The following ITPR2 variants were observed in gnomAD, a reference collection of about 807,000 sequenced individuals.
The protein encoded by ITPR2 is inositol 1,4,5-trisphosphate receptor type 2.
A neutral mutation model predicts 317.1 loss-of-function variants in ITPR2; 207 were observed. The ratio of observed to expected loss-of-function variants is 0.65; its 90% CI spans 0.58 to 0.73. The LOEUF (loss-of-function observed/expected upper bound fraction) is 0.73. ITPR2 is among the 30% of genes least tolerant of loss of function. ITPR2 has a pLI of 0.00. For missense variants in ITPR2, 2,613 were observed against 3,284.0 expected (o/e 0.80, Z 4.99); for synonymous variants, 1,156 against 1,149.1 (o/e 1.01, Z -0.12).
At chr12:26,432,753 A>T (rs1413453697) in intron 48 of ITPR2, among the ~76,000 whole-genome samples, 1 of 152,172 alleles carries the variant, frequency 6.6e-6, no homozygotes, top group Non-Finnish European at 1.5e-5. Context: ...ATAGGAGATG[A>T]TGTGTCACTG....
chr12:26,822,631 A>C (rs1950953843), intron 1 of ITPR2, among the ~76,000 whole-genome samples: 1 of 152,222 alleles, frequency 6.6e-6, no homozygotes, highest in African/African-American at 2.4e-5. Context: ...CTAGGGATGG[A>C]AACAAATACA....
chr12:26,694,916 G>T (rs1337038892), intron 10 of ITPR2, among the ~76,000 whole-genome samples: 1 of 152,088 alleles, frequency 6.6e-6, no homozygotes, highest in Admixed American at 6.6e-5. Context: ...ACAGAGAAGG[G>T]GGTCAAACAG....
At chr12:26,471,532 T>C (rs990962099) in intron 45 of ITPR2, among the ~76,000 whole-genome samples, 2 of 152,224 alleles carry the variant, frequency 1.3e-5, no homozygotes, top group African/African-American at 2.4e-5. Context: ...GAGGTACTTA[T>C]AGTTTTATGT....
At chr12:26,723,133 T>C (rs1432119105) in intron 4 of ITPR2, among the ~76,000 whole-genome samples, 1 of 152,108 alleles carries the variant, frequency 6.6e-6, no homozygotes, top group African/African-American at 2.4e-5. Context: ...TTGGACTTTG[T>C]GAACAAAATC....
chr12:26,366,689 T>C (rs1331418365), intron 55 of ITPR2, among the ~76,000 whole-genome samples: 1 of 152,122 alleles, frequency 6.6e-6, no homozygotes, highest in Non-Finnish European at 1.5e-5. Context: ...AAGCAAATGT[T>C]CCCTTTTGAG....
intron 2 of ITPR2, among the ~76,000 whole-genome samples, chr12:26,772,441 TTA>T (rs1203759099): frequency 1.4e-4 from 14 of 101,260 alleles, no homozygotes; most frequent in African/African-American, 1.9e-4. Context: ...AATACATGTA[TTA>T]TATATATTAT....
chr12:26,805,636 G>C (rs921215636), intron 1 of ITPR2, among the ~76,000 whole-genome samples: 3 of 85,244 alleles, frequency 3.5e-5, no homozygotes, highest in Admixed American at 1.2e-4. Context: ...ATGGGGAGGA[G>C]ACAAATCACA....
intron 5 of ITPR2, among the ~76,000 whole-genome samples, chr12:26,721,956 A>G (rs1170136342): frequency 6.6e-6 from 1 of 152,072 alleles, no homozygotes; most frequent in Admixed American, 6.6e-5. Context: ...CATCTCTATT[A>G]AGACTTATAG....
chr12:26,495,266 A>T lies in ITPR2; in HGVS notation c.5074-6T>A. Reference sequence around the variant, plus strand: ...ATCTTTCTTAATGTGTTACCCTAATAAGAAGGATAACAAAGAGTTACTGTT... The same window carrying T: ...ATCTTTCTTAATGTGTTACCCTAATTAGAAGGATAACAAAGAGTTACTGTT... On this transcript the variant is annotated splice_polypyrimidine_tract_variant and splice_region_variant and intron_variant, in intron 37 of 56. Coordinates refer to ENST00000381340, the MANE Select transcript of ITPR2 (RefSeq NM_002223.4). The T allele has an allele frequency of 1.4e-6, 2 of 1,435,664 alleles. No homozygotes were observed. Among genetic ancestry groups the T allele is most frequent in the Non-Finnish European group, 9.8e-7 (1 of 1,022,850 alleles). The allele number at this position is 1,435,664 out of a possible 1,614,324, so 88.9% of individuals were successfully genotyped here. A position where few individuals can be genotyped will look rare whatever the true frequency, so the allele number is the denominator to read the frequency against.
chr12:26,769,528 C>G (rs1393747980), intron 2 of ITPR2, among the ~76,000 whole-genome samples: 1 of 152,098 alleles, frequency 6.6e-6, no homozygotes, highest in South Asian at 2.1e-4. Context: ...GATTATTAAG[C>G]TTATGGAGCA....
At chr12:26,391,531 GCTT>G (rs1161918290) in intron 54 of ITPR2, among the ~76,000 whole-genome samples, 3 of 137,762 alleles carry the variant, frequency 2.2e-5, no homozygotes, top group East Asian at 2.2e-4. Context: ...TATTCTGAAA[GCTT>G]CTTCTTCTTC....
chr12:26,456,663 C>T (rs1429713758), intron 45 of ITPR2, among the ~76,000 whole-genome samples: 1 of 152,030 alleles, frequency 6.6e-6, no homozygotes, highest in Non-Finnish European at 1.5e-5. Context: ...GATCAGGACC[C>T]CTTTCTAGTA....
intron 54 of ITPR2, among the ~76,000 whole-genome samples, 174 bp downstream of exon 54, chr12:26,398,702 C>T (rs1940080651): frequency 6.6e-6 from 1 of 152,148 alleles, no homozygotes; most frequent in African/African-American, 2.4e-5. Context: ...ATTCCTCTCT[C>T]TATTTATAGA....
At chr12:26,414,742 T>C (rs1042240162) in intron 51 of ITPR2, among the ~76,000 whole-genome samples, 32 of 152,266 alleles carry the variant, frequency 2.1e-4, no homozygotes, top group African/African-American at 7.5e-4. Context: ...AAATAGAGTA[T>C]AGAAATTCTG....
chr12:26,381,763 A>C (rs1012999046), intron 55 of ITPR2, among the ~76,000 whole-genome samples: 1 of 152,196 alleles, frequency 6.6e-6, no homozygotes, highest in Non-Finnish European at 1.5e-5. Context: ...TGGCCATGAC[A>C]TGGGGAGGGT....
intron 9 of ITPR2, among the ~76,000 whole-genome samples, chr12:26,699,756 T>C (rs1480749756): frequency 1.3e-5 from 2 of 152,126 alleles, no homozygotes; most frequent in Admixed American, 6.6e-5. Flanking sequence ...CAAATAAATA[T>C]ATGCTTTAAA....
chr12:26,566,795 T>C (rs1944997335), intron 34 of ITPR2, among the ~76,000 whole-genome samples: 1 of 152,164 alleles, frequency 6.6e-6, no homozygotes, highest in Admixed American at 6.5e-5. Flanking sequence ...AATATCTCTG[T>C]TTATGTCTTT....
At chr12:26,610,104 G>A (rs921031770) in intron 26 of ITPR2, among the ~76,000 whole-genome samples, 24 of 152,222 alleles carry the variant, frequency 1.6e-4, no homozygotes, top group Non-Finnish European at 2.8e-4. Context: ...AGCTCTGCAT[G>A]AAATTACCAC....
In ITPR2 at chr12:26,716,182, T is replaced by A. The variant is rs761534785; in HGVS notation, c.586A>T (p.Ser196Cys). The change falls in exon 6 of 57, where the codon AGC (serine) becomes TGC (cysteine). Residue 196 changes from serine (S) to cysteine (C), a missense_variant. By Grantham distance (112) the Ser-to-Cys change is moderately radical (BLOSUM62 -1). Transcript: ENST00000381340. ...PVNAGQPLHASNIELLDNPGC... is the reference protein window; with the variant it reads ...PVNAGQPLHACNIELLDNPGC... ...GGGTTATCAAGAAGCTCTATGTTGC[T>A]GGCATGTAGTGGCTGCCCTGCATTC... 6.2e-7 allele frequency: 1 copy of A among 1,613,432 alleles called. No homozygotes were observed. Among genetic ancestry groups the A allele is most frequent in the Admixed American group, 1.7e-5 (1 of 59,976 alleles).
Sources: gnomAD v4.1 joint callset for allele counts (sites outside exome capture counted in the v4.1 genomes callset) on GRCh38, gnomAD v4.1.1 for gene constraint, MANE v1.5 for transcripts, NCBI Gene and HGNC (gene_info 2026-07-23, HGNC 2026-07-21) for gene names.